The following ATP6V0D2 variants were observed in gnomAD, a reference collection of about 807,000 sequenced individuals.
ATP6V0D2 encodes the protein ATPase H+ transporting V0 subunit d2.
In ATP6V0D2, 40 loss-of-function variants were observed where a neutral mutation model predicts 40.0. That is an observed-to-expected ratio of 1.00 (90% confidence interval 0.78 to 1.30). The LOEUF is 1.30. Among genes scored for constraint, ATP6V0D2 ranks in the 50% most tolerant of loss-of-function variants. The pLI, the probability that ATP6V0D2 is intolerant of heterozygous loss-of-function variation, is 0.00. For synonymous variants in ATP6V0D2, 179 were observed against 156.3 expected, an observed-to-expected ratio of 1.15 and a Z score of -1.08; for missense variants, 470 against 423.1, an observed-to-expected ratio of 1.11 and a Z score of -0.97.
At chr8:86,111,078 T>C (rs1818523514) in intron 1 of ATP6V0D2, among the ~76,000 whole-genome samples, 1 of 152,212 alleles carries the variant, frequency 6.6e-6, no homozygotes, top group Admixed American at 6.5e-5. Flanking sequence ...CTCTTGAAGT[T>C]ATTCCTCCTA....
At chr8:86,149,530 T>G (rs887016673) in intron 5 of ATP6V0D2, among the ~76,000 whole-genome samples, 1 of 152,098 alleles carries the variant, frequency 6.6e-6, no homozygotes, top group Admixed American at 6.5e-5. Context: ...CCCACATAGT[T>G]CTTAGCTACA....
chr8:86,150,383 A>C (rs1819128589), intron 6 of ATP6V0D2, 95 bp downstream of exon 6: 1 of 1,217,392 alleles, frequency 8.2e-7, no homozygotes, highest in South Asian at 1.6e-5. Context: ...TATACTCAAA[A>C]GAAGTAATAA....
intron 1 of ATP6V0D2, among the ~76,000 whole-genome samples, chr8:86,100,287 T>C (rs1818378750): frequency 6.6e-6 from 1 of 151,790 alleles, no homozygotes; most frequent in Non-Finnish European, 1.5e-5. Context: ...ACAGCTACAC[T>C]CACTGATTTT....
At chr8:86,119,941 A>G (rs1460209398) in intron 2 of ATP6V0D2, among the ~76,000 whole-genome samples, 2 of 152,214 alleles carry the variant, frequency 1.3e-5, no homozygotes, top group Non-Finnish European at 2.9e-5. Context: ...AGTACTTTAC[A>G]CGGAGCTAGA....
chr8:86,114,450 T>A (rs544166734), intron 2 of ATP6V0D2, among the ~76,000 whole-genome samples: 2 of 152,268 alleles, frequency 1.3e-5, no homozygotes, highest in East Asian at 3.9e-4. Context: ...GGTGGGTGGA[T>A]CACGAGGTCA....
At chr8:86,118,615 G>A (rs2130245364) in intron 2 of ATP6V0D2, among the ~76,000 whole-genome samples, 1 of 152,220 alleles carries the variant, frequency 6.6e-6, no homozygotes, top group South Asian at 2.1e-4. Context: ...GCTGGCATGA[G>A]AGAGGCTCTG....
At chr8:86,119,297 C>T (rs1053238159) in intron 2 of ATP6V0D2, among the ~76,000 whole-genome samples, 20 of 148,028 alleles carry the variant, frequency 1.4e-4, no homozygotes, top group Non-Finnish European at 2.7e-4. Flanking sequence ...GGCGCAATCT[C>T]GGCTTACTGC....
chr8:86,148,571 G>A (rs1007124331), intron 5 of ATP6V0D2, among the ~76,000 whole-genome samples: 1 of 152,156 alleles, frequency 6.6e-6, no homozygotes, highest in Non-Finnish European at 1.5e-5. Flanking sequence ...TGCAGATTCT[G>A]GTTGAGTAGG....
chr8:86,118,253 T>C (rs1818623435), intron 2 of ATP6V0D2, among the ~76,000 whole-genome samples: 1 of 149,394 alleles, frequency 6.7e-6, no homozygotes, highest in Middle Eastern at 3.2e-3. Context: ...TTATTTTTTT[T>C]AGTAGAGATA....
At chr8:86,107,779 A>T (rs184968931) in intron 1 of ATP6V0D2, among the ~76,000 whole-genome samples, 9 of 152,308 alleles carry the variant, frequency 5.9e-5, no homozygotes, top group East Asian at 5.8e-4. Context: ...GAAGTGCCAG[A>T]TGTTATTCAA....
At chr8:86,118,313 A>G (rs1818624441) in intron 2 of ATP6V0D2, among the ~76,000 whole-genome samples, 1 of 149,636 alleles carries the variant, frequency 6.7e-6, no homozygotes, top group Non-Finnish European at 1.5e-5. Flanking sequence ...ACCTCAAGTG[A>G]TCCACCCGCC....
chr8:86,144,658 TTTTG>T (rs879728338), intron 5 of ATP6V0D2, among the ~76,000 whole-genome samples: 4 of 152,004 alleles, frequency 2.6e-5, no homozygotes, highest in Non-Finnish European at 5.9e-5. Flanking sequence ...CTTATTGAGA[TTTTG>T]TTTGTTTGTT....
intron 3 of ATP6V0D2, 67 bp from the exon 4 acceptor site, chr8:86,141,383 A>G (rs1050381025): frequency 2.5e-6 from 3 of 1,214,806 alleles, no homozygotes; most frequent in Non-Finnish European, 2.4e-6. Flanking sequence ...TGTGTTCAGG[A>G]TACGTTTTCT....
At chr8:86,100,752 G>A (rs944085471) in intron 1 of ATP6V0D2, among the ~76,000 whole-genome samples, 1 of 151,876 alleles carries the variant, frequency 6.6e-6, no homozygotes, top group Non-Finnish European at 1.5e-5. Context: ...GTGTTTCTGA[G>A]AGGAGACATT....
At chr8:86,140,230 A>AG (rs759523428) in intron 3 of ATP6V0D2, among the ~76,000 whole-genome samples, 1 of 152,200 alleles carries the variant, frequency 6.6e-6, no homozygotes, top group Non-Finnish European at 1.5e-5. Context: ...TAATTGTATA[A>AG]GCATCATTAT....
chr8:86,124,868 A>T (rs1461188347), intron 2 of ATP6V0D2, among the ~76,000 whole-genome samples: 1 of 152,236 alleles, frequency 6.6e-6, no homozygotes, highest in Non-Finnish European at 1.5e-5. Flanking sequence ...ATTGAAAAAA[A>T]TGTATACTTA....
At chr8:86,144,036 A>G (rs1586102656) in intron 5 of ATP6V0D2, among the ~76,000 whole-genome samples, 2 of 152,340 alleles carry the variant, frequency 1.3e-5, no homozygotes, top group South Asian at 2.1e-4. Context: ...CTCATTTGTT[A>G]TGTGATTCAC....
intron 2 of ATP6V0D2, among the ~76,000 whole-genome samples, chr8:86,134,928 C>T (rs1045537905): frequency 1.3e-5 from 2 of 151,940 alleles, no homozygotes; most frequent in Admixed American, 1.3e-4. Flanking sequence ...AATAGCCAGT[C>T]TCAAAATGTC....
chr8:86,141,585 G>C (rs771827001), intron 4 of ATP6V0D2, 56 bp downstream of exon 4: 7 of 1,285,952 alleles, frequency 5.4e-6, no homozygotes, highest in Non-Finnish European at 7.6e-6. Flanking sequence ...ATTGTGACTA[G>C]AGTTCTCTAT....
Sources: allele counts gnomAD v4.1 joint callset (sites outside exome capture counted in the v4.1 genomes callset), GRCh38; gene constraint gnomAD v4.1.1; transcripts MANE v1.5; gene names NCBI Gene and HGNC (gene_info 2026-07-23, HGNC 2026-07-21).